The following RNLS variants were observed in gnomAD, a reference collection of about 807,000 sequenced individuals.
The protein encoded by RNLS is renalase.
Under a neutral mutation model 39.8 loss-of-function variants are expected in RNLS, and 39 were observed. That is an observed-to-expected ratio of 0.98 (90% CI 0.76 to 1.28). The LOEUF is 1.28. RNLS is among the 50% of genes most tolerant of loss of function. The pLI is 0.00. For synonymous variants in RNLS, 147 were observed against 150.7 expected, an observed-to-expected ratio of 0.98 and a Z score of 0.18; for missense variants, 410 against 413.3, an observed-to-expected ratio of 0.99 and a Z score of 0.07.
downstream of RNLS, among the ~76,000 whole-genome samples, chr10:88,271,141 G>T (rs1842640584): frequency 6.6e-6 from 1 of 152,176 alleles, no homozygotes; most frequent in South Asian, 2.1e-4. Context: ...TACCACAGCT[G>T]CACAGAATCA....
intron 4 of RNLS, among the ~76,000 whole-genome samples, chr10:88,552,010 A>C (rs1440046204): frequency 6.6e-6 from 1 of 152,234 alleles, no homozygotes; most frequent in African/African-American, 2.4e-5. Flanking sequence ...CATAACGAAC[A>C]CAAGTCAAAT....
chr10:88,496,070 A>C lies in RNLS; in HGVS notation c.526+76833T>G, dbSNP rs557945516. On this transcript the variant is annotated intron_variant, in intron 4 of 6. Coordinates refer to ENST00000331772, the MANE Select transcript of RNLS (RefSeq NM_001031709.3). ...ATATGGGTTGCAGAAGGCAAAGGGG[A>C]CAGAAGGAAGAGGGGAGAGAACATT... Among the ~76,000 whole-genome samples, 4 of 152,190 alleles carry C rather than the reference A, an allele frequency of 2.6e-5. No individual in the cohort carries two copies. The East Asian group carries it at 7.7e-4, about 29-fold the overall frequency.
In RNLS at chr10:88,391,987, C is replaced by G. The variant is rs114632339; in HGVS notation, c.527-29262G>C. On this transcript the variant is annotated intron_variant, in intron 4 of 6. Transcript: ENST00000331772. ...GGATAGAACAGGGTTAGCGCTCTCTCCAAACTCCATTTCCAGAGAACTATC... is the reference window on the plus strand; with the variant it reads ...GGATAGAACAGGGTTAGCGCTCTCTGCAAACTCCATTTCCAGAGAACTATC... 1.0e-2 allele frequency among the ~76,000 whole-genome samples: 1,520 copies of G among 152,356 alleles called. 32 individuals are homozygous for G. The highest frequency in any genetic ancestry group is 0.035 in the African/African-American group (1,436 of 41,584).
intron 4 of RNLS, among the ~76,000 whole-genome samples, chr10:88,387,502 C>CAAAAAAAAAAA (rs5786817): frequency 1.4e-5 from 1 of 70,112 alleles, no homozygotes; most frequent in African/African-American, 6.2e-5. Context: ...GAGAACAGAG[C>CAAAAAAAAAAA]AAAAAAAAAA....
intron 6 of RNLS, among the ~76,000 whole-genome samples, chr10:88,306,617 A>G (rs1390915779): frequency 6.6e-6 from 1 of 152,192 alleles, no homozygotes; most frequent in African/African-American, 2.4e-5. Flanking sequence ...CACCCTCCCA[A>G]GACTAAACCA....
At chr10:88,507,060 T>C (rs999498121) in intron 4 of RNLS, among the ~76,000 whole-genome samples, 8 of 152,160 alleles carry the variant, frequency 5.3e-5, no homozygotes, top group Non-Finnish European at 1.0e-4. Context: ...AGGTTCAACA[T>C]CCTAATAAAA....
At chr10:88,513,430 C>T (rs905373970) in intron 4 of RNLS, among the ~76,000 whole-genome samples, 9 of 152,040 alleles carry the variant, frequency 5.9e-5, no homozygotes, top group African/African-American at 2.2e-4. Flanking sequence ...CAAATGTACA[C>T]AAAAGTTGAA....
chr10:88,298,624 T>C (rs1418663217), intron 6 of RNLS, among the ~76,000 whole-genome samples: 1 of 152,246 alleles, frequency 6.6e-6, no homozygotes, highest in African/African-American at 2.4e-5. Flanking sequence ...AAGAATATTG[T>C]CATAAATCAA....
intron 4 of RNLS, among the ~76,000 whole-genome samples, chr10:88,369,221 T>C (rs1850354763): frequency 6.6e-6 from 1 of 152,188 alleles, no homozygotes; most frequent in Non-Finnish European, 1.5e-5. Flanking sequence ...TCCCCATGAC[T>C]CTTCTTTCTT....
intron 4 of RNLS, among the ~76,000 whole-genome samples, chr10:88,411,277 T>G (rs917022221): frequency 6.6e-6 from 1 of 152,192 alleles, no homozygotes; most frequent in African/African-American, 2.4e-5. Flanking sequence ...TTTTCAGAAT[T>G]GCAATTGATT....
At chr10:88,238,066 G>C in the RNLS span, among the ~76,000 whole-genome samples, 12 of 152,282 alleles carry the variant, frequency 7.9e-5, no homozygotes, top group Admixed American at 7.8e-4. Flanking sequence ...CTAGGAACTT[G>C]AGCTGCCATG....
intron 4 of RNLS, among the ~76,000 whole-genome samples, chr10:88,563,178 T>C (rs750668638): frequency 3.3e-5 from 5 of 152,158 alleles, no homozygotes; most frequent in African/African-American, 4.8e-5. Context: ...CAAATCAATA[T>C]TCCAACAGGA....
chr10:88,578,653 A>G (rs1850349451), intron 3 of RNLS, among the ~76,000 whole-genome samples: 1 of 152,172 alleles, frequency 6.6e-6, no homozygotes, highest in Non-Finnish European at 1.5e-5. Flanking sequence ...TAAATTTTTA[A>G]CATTTATATC....
chr10:88,550,213 C>T (rs1848542437), intron 4 of RNLS, among the ~76,000 whole-genome samples: 1 of 152,152 alleles, frequency 6.6e-6, no homozygotes, highest in South Asian at 2.1e-4. Flanking sequence ...TTCTGCTAGA[C>T]ATTAAAGATA....
chr10:88,336,293 GA>G (rs1318863951), intron 5 of RNLS, among the ~76,000 whole-genome samples: 3 of 152,298 alleles, frequency 2.0e-5, no homozygotes, highest in African/African-American at 7.2e-5. Context: ...TAGATCTGTG[GA>G]TGTATGCATT....
intron 6 of RNLS, among the ~76,000 whole-genome samples, chr10:88,289,857 T>C (rs1411880592): frequency 2.0e-5 from 3 of 152,162 alleles, no homozygotes; most frequent in Non-Finnish European, 2.9e-5. Flanking sequence ...TTAATAATGA[T>C]GAATGAAGGG....
chr10:88,192,923 T>C, the RNLS span, among the ~76,000 whole-genome samples: 1 of 152,160 alleles, frequency 6.6e-6, no homozygotes, highest in Non-Finnish European at 1.5e-5. Flanking sequence ...AAAATAAGTG[T>C]ATATTGACAT....
At chr10:88,222,646 T>A in the RNLS span, among the ~76,000 whole-genome samples, 1 of 152,124 alleles carries the variant, frequency 6.6e-6, no homozygotes, top group South Asian at 2.1e-4. Flanking sequence ...GATGAACAAG[T>A]GTTACTAGCA....
chr10:88,498,073 C>A (rs1479855806), intron 4 of RNLS, among the ~76,000 whole-genome samples: 2 of 151,868 alleles, frequency 1.3e-5, no homozygotes, highest in Non-Finnish European at 2.9e-5. Context: ...TACATAGTTT[C>A]AAAATATCTC....
Sources: allele counts gnomAD v4.1 joint callset (sites outside exome capture counted in the v4.1 genomes callset), GRCh38; gene constraint gnomAD v4.1.1; transcripts MANE v1.5; gene names NCBI Gene and HGNC (gene_info 2026-07-23, HGNC 2026-07-21).